The following PREX1 variants were observed in gnomAD, a reference collection of about 807,000 sequenced individuals.
PREX1 encodes the protein phosphatidylinositol-3,4,5-trisphosphate dependent Rac exchange factor 1.
PREX1 carries 41 observed loss-of-function variants against 198.3 expected under a neutral mutation model. That is an observed-to-expected ratio of 0.21 (90% CI 0.16 to 0.27). The LOEUF (loss-of-function observed/expected upper bound fraction) is 0.27. Ranked by LOEUF, PREX1 falls within the 10% of genes least tolerant of loss-of-function variation. PREX1 has a pLI of 1.00. For missense variants in PREX1, 1,620 were observed against 2,200.7 expected (o/e 0.74, Z 5.28); for synonymous variants, 843 against 887.2 (o/e 0.95, Z 0.89).
At chr20:48,731,853 A>T in intron 4 of PREX1, among the ~76,000 whole-genome samples, 1 of 152,184 alleles carries the variant, frequency 6.6e-6, no homozygotes, top group East Asian at 1.9e-4. Context: ...TTGAGATAGG[A>T]AGGAAAGAAA....
In PREX1 at chr20:48,763,541, C is replaced by T. The variant is rs1327883734; in HGVS notation, c.220-15661G>A. Among the ~76,000 whole-genome samples the T allele has an allele frequency of 2.6e-5, 4 of 152,306 alleles. No individual in the cohort carries two copies. In the East Asian group the frequency reaches 7.7e-4, roughly 29 times the overall value. On this transcript the variant is annotated intron_variant, in intron 1 of 39. Coordinates refer to ENST00000371941, the MANE Select transcript of PREX1 (RefSeq NM_020820.4). The stretch of plus-strand genomic sequence containing the variant: ...CTTGACATCTGAAGACAATGACTTT[C>T]AAGAGGTTTTGTTTTTTCCTCAGTC...
chr20:48,660,039 C>A lies in PREX1; in HGVS notation c.1761G>T (p.Arg587Ser). The change falls in exon 16 of 40, where the codon AGG becomes AGT. Residue 587 changes from arginine to serine, a missense_variant. This residue lies in a region of PREX1 where 488 missense variants were observed against 802.5 expected (regional missense o/e 0.61). Coordinates refer to ENST00000371941, the MANE Select transcript of PREX1 (RefSeq NM_020820.4). Reference sequence around the variant, plus strand: ...GAAAGCGGAAGTACTGGGACTCATCCCTGAACTCGCTCTTCTCCAGCACTG... The same window carrying A: ...GAAAGCGGAAGTACTGGGACTCATCACTGAACTCGCTCTTCTCCAGCACTG... ...MHHVLEKSEF[R>S]DESQYFRFHA... 6.2e-7 allele frequency: 1 copy of A among 1,614,178 alleles called. No individual in the cohort carries two copies. Among genetic ancestry groups the A allele is most frequent in the Non-Finnish European group, 8.5e-7 (1 of 1,180,038 alleles).
At chr20:48,781,579 G>T (rs1044496886) in intron 1 of PREX1, among the ~76,000 whole-genome samples, 2 of 152,060 alleles carry the variant, frequency 1.3e-5, no homozygotes, top group Non-Finnish European at 2.9e-5. Context: ...GCAGAGAAGA[G>T]TCCCCAAGTC....
At chr20:48,634,882 C>A in intron 32 of PREX1, 107 bp from the exon 33 acceptor site, 6 of 905,404 alleles carry the variant, frequency 6.6e-6, no homozygotes, top group Non-Finnish European at 1.1e-5. Context: ...ACTGTGGGCC[C>A]CCTGGGTGCC....
chr20:48,628,068 G>A (rs2122800236), intron 37 of PREX1, 105 bp from the exon 38 acceptor site: 3 of 831,048 alleles, frequency 3.6e-6, no homozygotes, highest in Non-Finnish European at 5.7e-6. Context: ...GCAACTTCCT[G>A]TCCCTCCGAG....
intron 5 of PREX1, among the ~76,000 whole-genome samples, chr20:48,717,601 A>G (rs2089968143): frequency 6.6e-6 from 1 of 152,168 alleles, no homozygotes; most frequent in Admixed American, 6.5e-5. Flanking sequence ...AAAAACCCAC[A>G]AACACCCTGC....
the PREX1 span, among the ~76,000 whole-genome samples, chr20:48,866,969 T>C: frequency 6.6e-6 from 1 of 152,180 alleles, no homozygotes; most frequent in Non-Finnish European, 1.5e-5. Flanking sequence ...TAAGAGGTTG[T>C]AGCACATGAG....
chr20:48,688,246 T>TAGTG (rs2089796815), intron 10 of PREX1, among the ~76,000 whole-genome samples: 1 of 152,304 alleles, frequency 6.6e-6, no homozygotes, highest in African/African-American at 2.4e-5. Flanking sequence ...TTCAAACCGT[T>TAGTG]AGTGCTTTGT....
chr20:48,733,705 C>CTGTTGTTGTTGTTGTTGTTGT (rs71337454), intron 4 of PREX1, among the ~76,000 whole-genome samples: 24,520 of 151,046 alleles, frequency 0.16, 2,053 homozygotes, highest in Non-Finnish European at 0.18. Flanking sequence ...GTTGTTGTTG[C>CTGTTGTTGTTGTTGTTGTTGT]TGTTGTTGTT....
chr20:48,858,569 G>C, the PREX1 span, among the ~76,000 whole-genome samples: 3 of 152,346 alleles, frequency 2.0e-5, no homozygotes, highest in African/African-American at 7.2e-5. Context: ...CCAACCTGGG[G>C]AGCTTATCAG....
rs1345465579 is a variant in PREX1, at chr20:48,700,892, A to C, written c.784-6T>G. The C allele has an allele frequency of 1.2e-6, 2 of 1,613,946 alleles. No individual in the cohort carries two copies. Among genetic ancestry groups the C allele is most frequent in the Non-Finnish European group, 1.7e-6 (2 of 1,179,960 alleles). On this transcript the variant is annotated splice_polypyrimidine_tract_variant and splice_region_variant and intron_variant, in intron 6 of 39. Transcript: ENST00000371941. ...ATGTCTGTGAGGTTGGAACCCTGGA[A>C]GCGCAATGAGGACACAGTGAATGAG... is the stretch of plus-strand genomic sequence containing the variant.
rs1379341505 is a variant in PREX1, at chr20:48,625,627, T to A, written c.*258A>T. 4 of 479,664 alleles carry A rather than the reference T, an allele frequency of 8.3e-6. No individual in the cohort carries two copies. In the East Asian group the frequency reaches 1.6e-4, roughly 19 times the overall value. 29.7% of individuals were successfully genotyped at this position (479,664 alleles called of 1,614,324 possible). A position where few individuals can be genotyped will look rare whatever the true frequency, so the allele number is the denominator to read the frequency against. ...CCAGGCACCAGCTGCTCCCATCAGC[T>A]CTATGGGTCTCCAGCACCCCTCCAG... On this transcript the variant is annotated 3_prime_UTR_variant, in exon 40 of 40. Coordinates refer to ENST00000371941, the MANE Select transcript of PREX1 (RefSeq NM_020820.4).
intron 1 of PREX1, among the ~76,000 whole-genome samples, chr20:48,799,276 C>T (rs1177453228): frequency 2.6e-5 from 4 of 152,218 alleles, no homozygotes; most frequent in South Asian, 2.1e-4. Flanking sequence ...CTCTCATATA[C>T]ACTTGGTTGA....
chr20:48,649,877 T>C, intron 24 of PREX1, 119 bp downstream of exon 24: 1 of 1,209,778 alleles, frequency 8.3e-7, no homozygotes, highest in Non-Finnish European at 1.2e-6. Flanking sequence ...GAGAAGGTCA[T>C]CCCTGATGAC....
chr20:48,721,197 C>A (rs1182139490), intron 5 of PREX1, among the ~76,000 whole-genome samples: 1 of 152,234 alleles, frequency 6.6e-6, no homozygotes, highest in Non-Finnish European at 1.5e-5. Flanking sequence ...TGTGCAGGCA[C>A]CATTCCAGGC....
intron 1 of PREX1, among the ~76,000 whole-genome samples, chr20:48,803,417 C>T (rs1417606453): frequency 6.6e-6 from 1 of 152,116 alleles, no homozygotes; most frequent in Non-Finnish European, 1.5e-5. Context: ...GAAAGCCATG[C>T]CATCTGGAGC....
Position 48,759,161 on chromosome 20 carries a change from T to C in PREX1, c.220-11281A>G, listed in dbSNP as rs532743325. Among the ~76,000 whole-genome samples the C allele has an allele frequency of 8.5e-5, 13 of 152,264 alleles. No individual in the cohort carries two copies. The East Asian group carries it at 2.5e-3, about 29-fold the overall frequency. On this transcript the variant is annotated intron_variant, in intron 1 of 39. Coordinates refer to ENST00000371941, the MANE Select transcript of PREX1 (RefSeq NM_020820.4). Reference sequence around the variant, plus strand: ...CCCTGCCACCTACTGCTCTGTGACCTAGGCAACTGACTCCATCTCTCTGGG... The same window carrying C: ...CCCTGCCACCTACTGCTCTGTGACCCAGGCAACTGACTCCATCTCTCTGGG...
intron 1 of PREX1, among the ~76,000 whole-genome samples, chr20:48,781,479 A>G (rs1032581296): frequency 6.6e-6 from 1 of 152,138 alleles, no homozygotes; most frequent in African/African-American, 2.4e-5. Flanking sequence ...AAGGAATGTG[A>G]CTCATGGGCC....
At position 48,645,887 on chromosome 20, in the gene PREX1, G is replaced by C. The variant is rs776803064; in HGVS notation, c.3476C>G (p.Ser1159Ter). 1 of 1,614,210 alleles carries C rather than the reference G, an allele frequency of 6.2e-7. No individual in the cohort carries two copies. The change falls in exon 26 of 40, where the codon TCA becomes TGA. Residue 1159 changes from serine to a stop codon, truncating the protein, a stop_gained. Coordinates refer to ENST00000371941, the MANE Select transcript of PREX1 (RefSeq NM_020820.4). LOFTEE classifies it high-confidence loss of function. ...GCGATAACTCATGGTGTCGTGGCCT[G>C]AGTCCTCCTGGTCCTCCTCGGCCAC... ...FKVAEEDQED[S>*]GHDTMSYRDS...
Sources: gnomAD v4.1 joint callset for allele counts (sites outside exome capture counted in the v4.1 genomes callset) on GRCh38, gnomAD v4.1.1 for gene constraint, gnomAD v4.1.1 regional missense constraint, MANE v1.5 for transcripts, NCBI Gene and HGNC (gene_info 2026-07-23, HGNC 2026-07-21) for gene names.